Variants in TRPM6 observed in about 807,000 individuals in gnomAD.
TRPM6 encodes the protein transient receptor potential cation channel subfamily M member 6.
Under a neutral mutation model 247.6 loss-of-function variants are expected in TRPM6, and 111 were observed. The observed-to-expected ratio is 0.45, with a 90% CI of 0.38 to 0.52. The LOEUF (loss-of-function observed/expected upper bound fraction) is 0.52. Ranked by LOEUF, TRPM6 falls within the 20% of genes least tolerant of loss-of-function variation. TRPM6 has a pLI of 0.00. For missense variants in TRPM6, 2,126 were observed against 2,421.5 expected, an observed-to-expected ratio of 0.88 and a Z score of 2.56; for synonymous variants, 892 against 853.8, an observed-to-expected ratio of 1.04 and a Z score of -0.78.
intron 25 of TRPM6, among the ~76,000 whole-genome samples, chr9:74,764,388 C>T (rs956350995): frequency 6.6e-6 from 1 of 151,966 alleles, no homozygotes; most frequent in Non-Finnish European, 1.5e-5. Context: ...AATCCTGATA[C>T]ACACACACAG....
chr9:74,762,332 G>A lies in TRPM6; in HGVS notation c.4339C>T (p.Gln1447Ter), dbSNP rs754635312. 4 of 1,614,200 alleles carry A rather than the reference G, an allele frequency of 2.5e-6. No homozygotes were observed. Among genetic ancestry groups the A allele is most frequent in the Non-Finnish European group, 3.4e-6 (4 of 1,180,042 alleles). Residue 1447 changes from glutamine to a stop codon, truncating the protein, a stop_gained, in exon 26 of 39, where the codon CAA becomes TAA. Coordinates refer to ENST00000360774, the MANE Select transcript of TRPM6 (RefSeq NM_017662.5). LOFTEE classifies it high-confidence loss of function. ...CAGTTTACATATCCACCTCCAGTTT[G>A]CATGATCTTGGCTTGGGAAAGAGGG... The part of the protein sequence containing the change: ...SSPLSQAKIM[Q>*]TGGGYVNWAF...
chr9:74,878,034 C>A (rs976502104), intron 1 of TRPM6, among the ~76,000 whole-genome samples: 1 of 152,144 alleles, frequency 6.6e-6, no homozygotes, highest in Non-Finnish European at 1.5e-5. Flanking sequence ...GGCACCTGAG[C>A]TCTCCTCCCA....
At chr9:74,824,217 C>T (rs12352787) in intron 7 of TRPM6, among the ~76,000 whole-genome samples, 1 of 150,968 alleles carries the variant, frequency 6.6e-6, no homozygotes, top group Non-Finnish European at 1.5e-5. Flanking sequence ...GTGGCACCAT[C>T]TTAGCTCACT....
intron 8 of TRPM6, 70 bp downstream of exon 8, chr9:74,821,599 C>A (rs1346816768): frequency 6.5e-7 from 1 of 1,549,024 alleles, no homozygotes; most frequent in Non-Finnish European, 8.9e-7. Context: ...CATAAATGCA[C>A]AGCCAAAAGA....
chr9:74,800,618 TTA>T (rs1828291424), intron 16 of TRPM6, 136 bp from the exon 17 acceptor site: 16 of 635,794 alleles, frequency 2.5e-5, no homozygotes, highest in East Asian at 5.6e-5. Context: ...AAGGCTTCCT[TTA>T]AAAAAAAAAA....
At chr9:74,828,481 C>T (rs1285098235) in intron 6 of TRPM6, among the ~76,000 whole-genome samples, 1 of 152,196 alleles carries the variant, frequency 6.6e-6, no homozygotes, top group Non-Finnish European at 1.5e-5. Flanking sequence ...AACTAGTAGG[C>T]AGCTTGTGGT....
chr9:74,786,399 T>C (rs1190067262), intron 20 of TRPM6, among the ~76,000 whole-genome samples: 3 of 152,198 alleles, frequency 2.0e-5, no homozygotes, highest in Non-Finnish European at 4.4e-5. Flanking sequence ...TTTTCTAGCT[T>C]TCAATAATCC....
chr9:74,844,709 C>T (rs1830052840), intron 3 of TRPM6, among the ~76,000 whole-genome samples: 1 of 152,150 alleles, frequency 6.6e-6, no homozygotes, highest in South Asian at 2.1e-4. Context: ...TTTGTGTGTT[C>T]ACTGGAGTAG....
chr9:74,820,947 G>A (rs1829112522), intron 8 of TRPM6, among the ~76,000 whole-genome samples: 1 of 152,134 alleles, frequency 6.6e-6, no homozygotes, highest in Admixed American at 6.5e-5. Context: ...AAAGGGAGAG[G>A]AGTGAAAGCA....
At chr9:74,792,809 TTAAC>T in intron 18 of TRPM6, 39 bp from the exon 19 acceptor site, 2 of 1,583,848 alleles carry the variant, frequency 1.3e-6, no homozygotes, top group Non-Finnish European at 1.7e-6. Context: ...TGTCAGCAGC[TTAAC>T]TAAAATAGTG....
At chr9:74,754,321 C>T (rs973893478) in intron 28 of TRPM6, among the ~76,000 whole-genome samples, 4 of 152,144 alleles carry the variant, frequency 2.6e-5, no homozygotes, top group African/African-American at 9.7e-5. Flanking sequence ...ATTTAACAGA[C>T]AACTGAGTAT....
chr9:74,823,235 C>CAGGGTCA (rs973814971), intron 7 of TRPM6, among the ~76,000 whole-genome samples: 1 of 152,166 alleles, frequency 6.6e-6, no homozygotes, highest in Non-Finnish European at 1.5e-5. Flanking sequence ...GAGACATCTA[C>CAGGGTCA]AGGGTCAAGG....
chr9:74,820,487 A>G (rs186901371), intron 8 of TRPM6, 60 bp from the exon 9 acceptor site: 1 of 1,607,782 alleles, frequency 6.2e-7, no homozygotes, highest in Admixed American at 1.7e-5. Context: ...CGGCAACATC[A>G]GTACAAGAAA....
Position 74,803,838 on chromosome 9 carries a change from G to C in TRPM6, c.1687C>G (p.Leu563Val). The change falls in exon 15 of 39, where the codon CTG (leucine) becomes GTG (valine). Residue 563 changes from leucine (L) to valine (V), a missense_variant. By Grantham distance (32) the Leu-to-Val change is conservative (BLOSUM62 1). Coordinates refer to ENST00000360774, the MANE Select transcript of TRPM6 (RefSeq NM_017662.5). ...GCAGTTCTAATGAACTGGGAGTGCA[G>C]CGTACTTTCTGCAGACTCATTTCTA... The part of the protein sequence containing the change: ...GNRNESAEST[L>V]HSQFIRTAQP... 1 of 1,613,824 alleles carries C rather than the reference G, an allele frequency of 6.2e-7. No homozygotes were observed. The highest frequency in any genetic ancestry group is 1.6e-4 in the Middle Eastern group (1 of 6,062).
chr9:74,816,071 C>T (rs185822553), intron 11 of TRPM6, among the ~76,000 whole-genome samples: 7 of 152,174 alleles, frequency 4.6e-5, no homozygotes, highest in Admixed American at 6.5e-5. Context: ...AAAAATTGTA[C>T]GCCAGGCACA....
chr9:74,722,897 G>C lies in TRPM6; in HGVS notation c.*1716C>G, dbSNP rs1220402708. The C allele has an allele frequency of 6.6e-6, 1 of 152,172 alleles. No homozygotes were observed. The highest frequency in any genetic ancestry group is 1.5e-5 in the Non-Finnish European group (1 of 68,026). The allele number at this position is 152,172 out of a possible 1,614,324, so 9.4% of individuals were successfully genotyped here. On this transcript the variant is annotated 3_prime_UTR_variant, in exon 39 of 39. Coordinates refer to ENST00000360774, the MANE Select transcript of TRPM6 (RefSeq NM_017662.5). ...TTCCCCTGTATGCCTAAGAATGCAAGAGTGTAGATTTTTAAAGCAAGCTCA... is the reference window on the plus strand; with the variant it reads ...TTCCCCTGTATGCCTAAGAATGCAACAGTGTAGATTTTTAAAGCAAGCTCA...
intron 27 of TRPM6, among the ~76,000 whole-genome samples, chr9:74,757,031 A>C (rs1826449873): frequency 1.3e-5 from 2 of 151,884 alleles, no homozygotes; most frequent in South Asian, 4.1e-4. Context: ...TACAAAAGTT[A>C]GCTGGGTGTG....
chr9:74,836,593 C>G (rs1442524870), intron 5 of TRPM6, among the ~76,000 whole-genome samples: 2 of 152,200 alleles, frequency 1.3e-5, no homozygotes, highest in African/African-American at 4.8e-5. Context: ...GTGATCCTAA[C>G]ACATATCGTT....
chr9:74,842,123 AAAAAG>A, intron 4 of TRPM6, 38 bp downstream of exon 4: 2 of 1,611,978 alleles, frequency 1.2e-6, no homozygotes, highest in African/African-American at 1.3e-5. Flanking sequence ...AAAAAAAAAA[AAAAAG>A]AAAGAAACCA....
Sources: allele counts gnomAD v4.1 joint callset (sites outside exome capture counted in the v4.1 genomes callset), GRCh38; gene constraint gnomAD v4.1.1; transcripts MANE v1.5; gene names NCBI Gene and HGNC (gene_info 2026-07-23, HGNC 2026-07-21).